Variants in NTN4 observed in about 807,000 individuals in gnomAD.
NTN4 encodes the protein netrin-4.
In NTN4, 32 loss-of-function variants were observed where a neutral mutation model predicts 73.6. The observed-to-expected ratio is 0.44, with a 90% confidence interval of 0.33 to 0.58. The LOEUF (loss-of-function observed/expected upper bound fraction) is 0.58, where lower values mean the gene tolerates loss of function less well. Ranked by LOEUF, NTN4 falls within the 20% of genes least tolerant of loss-of-function variation. The pLI is 0.04. For synonymous variants in NTN4, 258 were observed against 287.5 expected, an observed-to-expected ratio of 0.90 and a Z score of 1.04; for missense variants, 654 against 798.3, an observed-to-expected ratio of 0.82 and a Z score of 2.18.
chr12:95,713,136 C>T, intron 4 of NTN4, 76 bp downstream of exon 4: 1 of 1,527,046 alleles, frequency 6.5e-7, no homozygotes, highest in Non-Finnish European at 8.9e-7. Context: ...TGTTGTATTT[C>T]TAGAGACAAC....
chr12:95,718,853 A>G (rs1286302134), intron 3 of NTN4, among the ~76,000 whole-genome samples: 1 of 151,932 alleles, frequency 6.6e-6, no homozygotes, highest in African/African-American at 2.4e-5. Flanking sequence ...CATGTTTCCC[A>G]TTGCTTGTGA....
At chr12:95,712,561 TGA>T (rs755052286) in intron 4 of NTN4, among the ~76,000 whole-genome samples, 9 of 152,140 alleles carry the variant, frequency 5.9e-5, no homozygotes, top group African/African-American at 7.2e-5. Flanking sequence ...ATCTCAGCAA[TGA>T]GAGTACAACA....
chr12:95,732,396 CTTTTTTTTTTTTT>C (rs35575824), intron 3 of NTN4, among the ~76,000 whole-genome samples: 3 of 112,860 alleles, frequency 2.7e-5, no homozygotes, highest in African/African-American at 1.1e-4. Context: ...CTTTCTTCCT[CTTTTTTTTTTTTT>C]TTTTTTTTTC....
chr12:95,755,088 A>C (rs550641983), intron 2 of NTN4, among the ~76,000 whole-genome samples: 1 of 152,224 alleles, frequency 6.6e-6, no homozygotes, highest in Non-Finnish European at 1.5e-5. Context: ...TTATGTAAAA[A>C]CTTAAATCTG....
In NTN4 at chr12:95,741,467, A is replaced by C. The variant is rs866116222; in HGVS notation, c.586-3323T>G. 8.9e-4 allele frequency among the ~76,000 whole-genome samples: 97 copies of C among 108,644 alleles called. 1 individual carries two copies. The highest frequency in any genetic ancestry group is 2.8e-3 in the African/African-American group (83 of 29,340). 71.3% of individuals were successfully genotyped at this position (108,644 alleles called of 152,430 possible). A position where few individuals can be genotyped will look rare whatever the true frequency, so the allele number is the denominator to read the frequency against. On this transcript the variant is annotated intron_variant, in intron 2 of 9. Transcript: ENST00000343702. Reference sequence around the variant, plus strand: ...TATATATATATATATATATATATATATATATATCTCCTCCATGCCAACCTG... The same window carrying C: ...TATATATATATATATATATATATATCTATATATCTCCTCCATGCCAACCTG...
At chr12:95,677,205 G>A (rs2078279919) in intron 7 of NTN4, among the ~76,000 whole-genome samples, 1 of 151,954 alleles carries the variant, frequency 6.6e-6, no homozygotes, top group Non-Finnish European at 1.5e-5. Context: ...CTCCAGCCTG[G>A]GTGACAGAGT....
chr12:95,734,264 T>C (rs2078759721), intron 3 of NTN4, among the ~76,000 whole-genome samples: 2 of 152,132 alleles, frequency 1.3e-5, no homozygotes, highest in African/African-American at 4.8e-5. Context: ...AGCAACAATA[T>C]TAGCCACAGA....
At chr12:95,741,471 A>C (rs1398864667) in intron 2 of NTN4, among the ~76,000 whole-genome samples, 38 of 99,830 alleles carry the variant, frequency 3.8e-4, no homozygotes, top group Non-Finnish European at 3.1e-4. Flanking sequence ...ATATATATAT[A>C]TATCTCCTCC....
intron 2 of NTN4, among the ~76,000 whole-genome samples, chr12:95,749,458 C>G (rs375372711): frequency 6.6e-6 from 1 of 152,184 alleles, no homozygotes; most frequent in African/African-American, 2.4e-5. Context: ...ACTCTCTTCT[C>G]CAACCTCTCT....
chr12:95,691,985 C>T (rs2078404917), intron 5 of NTN4, among the ~76,000 whole-genome samples: 1 of 152,160 alleles, frequency 6.6e-6, no homozygotes, highest in South Asian at 2.1e-4. Flanking sequence ...AATTTAATTT[C>T]CGGATATTTT....
chr12:95,702,969 T>C (rs2078497208), intron 5 of NTN4, among the ~76,000 whole-genome samples: 1 of 150,758 alleles, frequency 6.6e-6, no homozygotes, highest in Non-Finnish European at 1.5e-5. Context: ...GCGATTCTCC[T>C]GCCTCAGCCT....
chr12:95,669,538 C>T (rs759948886), intron 8 of NTN4, among the ~76,000 whole-genome samples: 4 of 152,052 alleles, frequency 2.6e-5, no homozygotes, highest in Non-Finnish European at 5.9e-5. Context: ...TCTCATTCCA[C>T]GAGGAAGGTG....
intron 2 of NTN4, among the ~76,000 whole-genome samples, chr12:95,770,443 G>A (rs1267966982): frequency 3.9e-5 from 6 of 152,116 alleles, no homozygotes; most frequent in Non-Finnish European, 7.4e-5. Flanking sequence ...TGAGGTGCCC[G>A]GCTCTCCTGA....
intron 5 of NTN4, among the ~76,000 whole-genome samples, chr12:95,692,884 A>T (rs530286289): frequency 6.6e-6 from 1 of 152,210 alleles, no homozygotes; most frequent in Admixed American, 6.5e-5. Context: ...TGTGAAATTA[A>T]CTTCTTCAGC....
Position 95,763,011 on chromosome 12 carries a change from A to G in NTN4, c.585+23928T>C, listed in dbSNP as rs2078999122. ...GTCATTTTTGTTTTTAAATAATGACAAAGCCATAATTAAATAAGATAAAAA... is the reference window on the plus strand; with the variant it reads ...GTCATTTTTGTTTTTAAATAATGACGAAGCCATAATTAAATAAGATAAAAA... On this transcript the variant is annotated intron_variant, in intron 2 of 9. Transcript: ENST00000343702. 3.9e-5 allele frequency among the ~76,000 whole-genome samples: 6 copies of G among 152,272 alleles called. No individual in the cohort carries two copies. The South Asian group carries it at 1.2e-3, about 32-fold the overall frequency.
chr12:95,702,532 G>T lies in NTN4; in HGVS notation c.1180+7909C>A, dbSNP rs187619287. 7.6e-3 allele frequency among the ~76,000 whole-genome samples: 1,160 copies of T among 152,202 alleles called. 16 individuals are homozygous for T. Among genetic ancestry groups the T allele is most frequent in the Non-Finnish European group, 8.8e-3 (599 of 68,034 alleles). ...ATGTTACCTACATTGAAGTGCTTTA[G>T]TGAAAGTTAAAAAAGTGAAAACATA... is the stretch of plus-strand genomic sequence containing the variant. On this transcript the variant is annotated intron_variant, in intron 5 of 9. Coordinates refer to ENST00000343702, the MANE Select transcript of NTN4 (RefSeq NM_021229.4).
chr12:95,714,887 T>C (rs989331054), intron 3 of NTN4, among the ~76,000 whole-genome samples: 1 of 152,234 alleles, frequency 6.6e-6, no homozygotes, highest in Admixed American at 6.5e-5. Flanking sequence ...AAATGACATG[T>C]GCTCAGAGTG....
At chr12:95,716,994 A>G (rs930510931) in intron 3 of NTN4, among the ~76,000 whole-genome samples, 6 of 151,692 alleles carry the variant, frequency 4.0e-5, no homozygotes, top group Non-Finnish European at 8.8e-5. Flanking sequence ...ATTTTTTGTA[A>G]AGATAGGGTT....
At chr12:95,790,951 C>T (rs2079206658), upstream of NTN4, among the ~76,000 whole-genome samples, 1 of 149,996 alleles carries the variant, frequency 6.7e-6, no homozygotes, top group Admixed American at 6.6e-5. The surrounding 1 kb of genome is among the most constrained non-coding windows in gnomAD (Gnocchi z 6.5). Context: ...CCCCGCGCCC[C>T]GACCGACGCC....
Sources: allele counts gnomAD v4.1 joint callset (sites outside exome capture counted in the v4.1 genomes callset), GRCh38; gene constraint gnomAD v4.1.1; non-coding constraint Gnocchi (gnomAD v3.1); transcripts MANE v1.5; gene names NCBI Gene and HGNC (gene_info 2026-07-23, HGNC 2026-07-21).